The following CNTNAP5 variants were observed in gnomAD, a reference collection of about 807,000 sequenced individuals.
CNTNAP5 encodes the protein contactin-associated protein-like 5.
CNTNAP5 carries 72 observed loss-of-function variants against 150.2 expected under a neutral mutation model. The observed-to-expected ratio is 0.48, with a 90% CI of 0.40 to 0.58. The LOEUF (loss-of-function observed/expected upper bound fraction) is 0.58. Ranked by LOEUF, CNTNAP5 falls within the 20% of genes least tolerant of loss-of-function variation. The pLI is 0.00. For synonymous variants in CNTNAP5, 672 were observed against 619.8 expected, an observed-to-expected ratio of 1.08 and a Z score of -1.25; for missense variants, 1,636 against 1,626.2, an observed-to-expected ratio of 1.01 and a Z score of -0.10.
intron 13 of CNTNAP5, among the ~76,000 whole-genome samples, chr2:124,725,242 C>T (rs1680131636): frequency 6.6e-6 from 1 of 151,614 alleles, no homozygotes; most frequent in African/African-American, 2.4e-5. Flanking sequence ...TTTGTTTTTA[C>T]TAGGACAGTC....
chr2:124,731,740 G>A (rs575648471), intron 13 of CNTNAP5, among the ~76,000 whole-genome samples: 1 of 152,002 alleles, frequency 6.6e-6, no homozygotes, highest in South Asian at 2.1e-4. Context: ...GCATGTATTT[G>A]TGTGTGTATG....
chr2:124,333,801 G>A (rs1281238799), intron 3 of CNTNAP5, among the ~76,000 whole-genome samples: 1 of 152,164 alleles, frequency 6.6e-6, no homozygotes, highest in Non-Finnish European at 1.5e-5. Flanking sequence ...AAAGACAGGT[G>A]TAACTGGAAG....
In CNTNAP5 at chr2:124,772,414, G is replaced by A. The variant is rs80119805; in HGVS notation, c.2534-385G>A. On this transcript the variant is annotated intron_variant, in intron 16 of 23. Coordinates refer to ENST00000682447, the MANE Select transcript of CNTNAP5 (RefSeq NM_001367498.1). ...AGGAGGAAGCACTGGACTTCCCAAG[G>A]CCTAAGTCTCCTCCCTGCAGGAGTG... is the stretch of plus-strand genomic sequence containing the variant. Among the ~76,000 whole-genome samples the A allele has an allele frequency of 6.4e-3, 970 of 152,230 alleles. 11 individuals carry two copies. Among genetic ancestry groups the A allele is most frequent in the African/African-American group, 0.02 (833 of 41,534 alleles).
intron 3 of CNTNAP5, among the ~76,000 whole-genome samples, chr2:124,279,122 C>T (rs1390441506): frequency 6.6e-6 from 1 of 151,918 alleles, no homozygotes; most frequent in Non-Finnish European, 1.5e-5. Flanking sequence ...CTGATTGACG[C>T]CGCTGTCTGA....
chr2:124,610,045 G>T, intron 12 of CNTNAP5, 125 bp downstream of exon 12: 2 of 1,080,574 alleles, frequency 1.9e-6, no homozygotes, highest in East Asian at 5.4e-5. Flanking sequence ...TCTCCTTTGG[G>T]GAGGAAATGG....
chr2:124,684,686 G>A (rs780752206), intron 13 of CNTNAP5, among the ~76,000 whole-genome samples: 14 of 152,140 alleles, frequency 9.2e-5, no homozygotes, highest in African/African-American at 1.2e-4. Context: ...ATGATTAAGC[G>A]AGAAAAATCT....
chr2:124,379,694 C>A (rs1690741277), intron 3 of CNTNAP5, among the ~76,000 whole-genome samples: 1 of 152,086 alleles, frequency 6.6e-6, no homozygotes, highest in African/African-American at 2.4e-5. Context: ...TTGGGCATGG[C>A]CTCCCTTGTG....
chr2:124,137,446 T>G lies in CNTNAP5; in HGVS notation c.83-84259T>G, dbSNP rs374594477. 3.3e-5 allele frequency among the ~76,000 whole-genome samples: 5 copies of G among 152,302 alleles called. No individual in the cohort carries two copies. The East Asian group carries it at 9.7e-4, about 29-fold the overall frequency. The stretch of plus-strand genomic sequence containing the variant: ...TAGAGAAAACTTCAGTGAAGTCTTT[T>G]GACTTTGAATTCTAAAATAAACTAT... On this transcript the variant is annotated intron_variant, in intron 1 of 23. Transcript: ENST00000682447.
intron 4 of CNTNAP5, among the ~76,000 whole-genome samples, chr2:124,431,942 C>T (rs1457797732): frequency 6.6e-6 from 1 of 151,980 alleles, no homozygotes; most frequent in East Asian, 1.9e-4. Context: ...ACCAGGGAAC[C>T]AAAGGCAAAT....
At chr2:124,424,334 A>T (rs910810143) in intron 4 of CNTNAP5, among the ~76,000 whole-genome samples, 1 of 152,194 alleles carries the variant, frequency 6.6e-6, no homozygotes, top group Non-Finnish European at 1.5e-5. Context: ...CAGAAGGCAC[A>T]GTTTACAGCT....
intron 13 of CNTNAP5, among the ~76,000 whole-genome samples, chr2:124,737,697 T>A (rs1053210781): frequency 6.6e-6 from 1 of 152,168 alleles, no homozygotes; most frequent in African/African-American, 2.4e-5. Flanking sequence ...AAATAACTTT[T>A]GGAGGATGGA....
At chr2:124,258,345 CA>C (rs1428104856) in intron 3 of CNTNAP5, among the ~76,000 whole-genome samples, 1 of 152,062 alleles carries the variant, frequency 6.6e-6, no homozygotes, top group African/African-American at 2.4e-5. Flanking sequence ...ACAGGCATTT[CA>C]AAACAGTAAT....
intron 6 of CNTNAP5, among the ~76,000 whole-genome samples, chr2:124,447,691 A>G (rs1242297795): frequency 6.6e-6 from 1 of 152,198 alleles, no homozygotes; most frequent in East Asian, 1.9e-4. Flanking sequence ...TTTTATATTT[A>G]TATAATTATG....
intron 5 of CNTNAP5, among the ~76,000 whole-genome samples, chr2:124,435,221 C>A (rs969797282): frequency 2.0e-5 from 3 of 152,138 alleles, no homozygotes; most frequent in Admixed American, 1.3e-4. Context: ...CCCAGACTCA[C>A]CAGATTCCAT....
intron 5 of CNTNAP5, 31 bp from the exon 6 acceptor site, chr2:124,446,722 A>T: frequency 6.2e-7 from 1 of 1,602,736 alleles, no homozygotes; most frequent in Non-Finnish European, 8.5e-7. Flanking sequence ...TTGGACACAG[A>T]CATCATCTTG....
chr2:124,866,832 C>A (rs1296366864), intron 20 of CNTNAP5, among the ~76,000 whole-genome samples: 3 of 152,076 alleles, frequency 2.0e-5, no homozygotes, highest in Non-Finnish European at 4.4e-5. Flanking sequence ...CCTGGTTGAC[C>A]ATTTTACACT....
chr2:124,559,365 G>A (rs1284486477), intron 10 of CNTNAP5, among the ~76,000 whole-genome samples: 2 of 151,910 alleles, frequency 1.3e-5, no homozygotes, highest in Non-Finnish European at 2.9e-5. Context: ...GAGGCTAACA[G>A]CTTCCAATGT....
At chr2:124,684,982 C>A (rs1273677363) in intron 13 of CNTNAP5, among the ~76,000 whole-genome samples, 1 of 152,090 alleles carries the variant, frequency 6.6e-6, no homozygotes, top group Non-Finnish European at 1.5e-5. Flanking sequence ...CAGATGGTAG[C>A]CCTCAACAGA....
At chr2:124,461,525 T>G (rs1346797192) in intron 6 of CNTNAP5, among the ~76,000 whole-genome samples, 4 of 60,228 alleles carry the variant, frequency 6.6e-5, no homozygotes, top group East Asian at 5.2e-4. Context: ...AGGGGACTGT[T>G]GTGGGGTGGG....
Sources: allele counts gnomAD v4.1 joint callset (sites outside exome capture counted in the v4.1 genomes callset), GRCh38; gene constraint gnomAD v4.1.1; transcripts MANE v1.5; gene names NCBI Gene and HGNC (gene_info 2026-07-23, HGNC 2026-07-21).